The following DNAH7 variants were observed in gnomAD, a reference collection of about 807,000 sequenced individuals.
DNAH7 encodes axonemal beta dynein heavy chain 7.
A neutral mutation model predicts 444.6 loss-of-function variants in DNAH7; 397 were observed. That is an observed-to-expected ratio of 0.89 (90% CI 0.82 to 0.97). The LOEUF (loss-of-function observed/expected upper bound fraction) is 0.97. DNAH7 is among the 50% of genes least tolerant of loss of function. The pLI is 0.00. For missense variants in DNAH7, 4,902 were observed against 4,800.8 expected, an observed-to-expected ratio of 1.02 and a Z score of -0.62; for synonymous variants, 1,636 against 1,624.4, an observed-to-expected ratio of 1.01 and a Z score of -0.17.
chr2:195,775,097 C>G (rs1481893430), intron 60 of DNAH7, among the ~76,000 whole-genome samples: 1 of 152,168 alleles, frequency 6.6e-6, no homozygotes, highest in Non-Finnish European at 1.5e-5. Flanking sequence ...CTCTGTAGTT[C>G]TGGTCTCTTT....
chr2:195,976,522 T>C (rs1322012117), intron 15 of DNAH7, among the ~76,000 whole-genome samples: 3 of 152,116 alleles, frequency 2.0e-5, no homozygotes, highest in Non-Finnish European at 2.9e-5. Flanking sequence ...GAGGAACACA[T>C]GCCTGGATGG....
At chr2:195,794,710 T>C (rs2105990735) in intron 56 of DNAH7, among the ~76,000 whole-genome samples, 172 bp from the exon 57 acceptor site, 1 of 152,314 alleles carries the variant, frequency 6.6e-6, no homozygotes, top group East Asian at 1.9e-4. Flanking sequence ...CCTAAAACAA[T>C]AACACCTTGT....
At chr2:195,968,380 C>G (rs1370829439) in intron 17 of DNAH7, among the ~76,000 whole-genome samples, 1 of 152,166 alleles carries the variant, frequency 6.6e-6, no homozygotes, top group East Asian at 1.9e-4. Context: ...GCAGTGGGTT[C>G]TCTTCCAGCC....
At chr2:195,806,635 G>C (rs1414917463) in intron 54 of DNAH7, 105 bp downstream of exon 54, 6 of 817,302 alleles carry the variant, frequency 7.3e-6, no homozygotes, top group East Asian at 5.8e-5. Context: ...TTTCCCGCAG[G>C]CTCCTCTACC....
At chr2:196,016,621 A>G (rs1351357862) in intron 9 of DNAH7, among the ~76,000 whole-genome samples, 2 of 152,240 alleles carry the variant, frequency 1.3e-5, no homozygotes, top group African/African-American at 4.8e-5. Flanking sequence ...AGGTCAGAAT[A>G]TGTGTTAGAA....
At position 195,855,812 on chromosome 2, in the gene DNAH7, T is replaced by G. The variant is rs1418666894; in HGVS notation, c.8594A>C (p.Gln2865Pro). Reference protein sequence around the residue: ...NKQKKADLENQVDLCSKKLER... With the variant: ...NKQKKADLENPVDLCSKKLER... ...ATCTTTTTCTATATCAGCACACACC[T>G]GGTTTTCCAGGTCAGCCTTCTTTTG... The change falls in exon 45 of 65, where the codon CAG (glutamine) becomes CCG (proline). Residue 2865 changes from glutamine (Q) to proline (P), a missense_variant and splice_region_variant. By Grantham distance (76) the Gln-to-Pro change is moderately conservative. Coordinates refer to ENST00000312428, the MANE Select transcript of DNAH7 (RefSeq NM_018897.3). 2 of 1,612,682 alleles carry G rather than the reference T, an allele frequency of 1.2e-6. No homozygotes were observed. The highest frequency in any genetic ancestry group is 2.2e-5 in the South Asian group (2 of 90,854).
chr2:195,849,767 A>AATTTTTTGT (rs1186993144), intron 46 of DNAH7, among the ~76,000 whole-genome samples: 1 of 151,876 alleles, frequency 6.6e-6, no homozygotes, highest in African/African-American at 2.4e-5. Context: ...ATGCCCGGAT[A>AATTTTTTGT]ATTTTTTGTA....
chr2:195,816,969 A>T lies in DNAH7; in HGVS notation c.9426-6T>A, dbSNP rs747138692. On this transcript the variant is annotated splice_region_variant and splice_polypyrimidine_tract_variant and intron_variant, in intron 50 of 64. Transcript: ENST00000312428. ...CTTCTATTTCTTTTAACTGCCTGGA[A>T]TAAAACAAAATTTTCTTAGAAGAAA... 1.0e-5 allele frequency: 16 copies of T among 1,552,422 alleles called. No homozygotes were observed. The highest frequency in any genetic ancestry group is 1.8e-4 in the Middle Eastern group (1 of 5,664).
chr2:195,870,199 A>G (rs1037682850), intron 40 of DNAH7, among the ~76,000 whole-genome samples: 6 of 152,254 alleles, frequency 3.9e-5, no homozygotes, highest in Admixed American at 1.3e-4. Flanking sequence ...GCGCATAAAT[A>G]TAACTGCTAT....
At chr2:195,776,102 G>T in intron 59 of DNAH7, 119 bp from the exon 60 acceptor site, 1 of 1,245,224 alleles carries the variant, frequency 8.0e-7, no homozygotes, top group Non-Finnish European at 1.1e-6. Context: ...CTGTGACACT[G>T]GACATTGAGT....
intron 46 of DNAH7, among the ~76,000 whole-genome samples, chr2:195,850,301 G>GA (rs1491177374): frequency 6.7e-6 from 1 of 148,260 alleles, no homozygotes; most frequent in Non-Finnish European, 1.5e-5. Flanking sequence ...AAAAAAAGGG[G>GA]AGAGAGAGAG....
At chr2:195,834,490 A>G (rs1698234077) in intron 47 of DNAH7, 130 bp from the exon 48 acceptor site, 1 of 1,007,062 alleles carries the variant, frequency 9.9e-7, no homozygotes, top group Admixed American at 2.8e-5. Flanking sequence ...TTAACTTATG[A>G]GAAACTATGT....
At chr2:195,768,204 T>A (rs1694674758) in intron 61 of DNAH7, among the ~76,000 whole-genome samples, 3 of 147,796 alleles carry the variant, frequency 2.0e-5, no homozygotes. Context: ...ATATATATAT[T>A]ATAAATATAT....
intron 5 of DNAH7, among the ~76,000 whole-genome samples, chr2:196,045,192 G>T (rs1697031951): frequency 6.8e-6 from 1 of 147,946 alleles, no homozygotes; most frequent in Non-Finnish European, 1.5e-5. Context: ...AAGAGGAGAA[G>T]GAGGAGGAAA....
intron 33 of DNAH7, among the ~76,000 whole-genome samples, 199 bp downstream of exon 33, chr2:195,888,059 A>G (rs1319815813): frequency 2.0e-5 from 3 of 152,134 alleles, no homozygotes; most frequent in African/African-American, 7.2e-5. Context: ...TTTTAGAGAG[A>G]AAAGAGTAGC....
intron 15 of DNAH7, among the ~76,000 whole-genome samples, chr2:195,976,484 G>T (rs555332519): frequency 2.0e-5 from 3 of 152,168 alleles, no homozygotes; most frequent in Admixed American, 6.5e-5. Flanking sequence ...GGGACACTCG[G>T]AGCTGGGGGA....
intron 56 of DNAH7, 128 bp from the exon 57 acceptor site, chr2:195,794,666 A>G: frequency 1.2e-6 from 1 of 818,844 alleles, no homozygotes; most frequent in Non-Finnish European, 1.9e-6. Flanking sequence ...AACTGCTGCA[A>G]TTTTCAGCAA....
Position 195,876,662 on chromosome 2 carries a change from T to G in DNAH7, c.5999A>C (p.Lys2000Thr), listed in dbSNP as rs374450469. The change falls in exon 37 of 65, where the codon AAA becomes ACA. Residue 2000 changes from lysine (K) to threonine (T), a missense_variant. Lys to Thr is a moderately conservative substitution (Grantham distance 78). Transcript: ENST00000312428. The part of the protein sequence containing the change: ...LLNQLNKEIY[K>T]PLLINFSAQT... ...TGCTGAGAAGTTAATTAGCAGAGGT[T>G]TGTAGATTTCCTTATTTAGTTGATT... The G allele has an allele frequency of 4.9e-5, 79 of 1,606,710 alleles. No homozygotes were observed. Among genetic ancestry groups the G allele is most frequent in the Non-Finnish European group, 6.1e-5 (72 of 1,174,030 alleles).
In DNAH7 at chr2:195,948,136, G is replaced by C. The variant is rs541686813; in HGVS notation, c.3078+9125C>G. 2.2e-4 allele frequency among the ~76,000 whole-genome samples: 33 copies of C among 152,170 alleles called. No homozygotes were observed. In the South Asian group the frequency reaches 5.2e-3, roughly 24 times the overall value. ...CACATGCCTTGCCCACTTTCTGATG[G>C]GGTTGTTTTTTTTCTTGTAAATTGG... On this transcript the variant is annotated intron_variant, in intron 19 of 64. Coordinates refer to ENST00000312428, the MANE Select transcript of DNAH7 (RefSeq NM_018897.3).
Sources: gnomAD v4.1 joint callset for allele counts (sites outside exome capture counted in the v4.1 genomes callset) on GRCh38, gnomAD v4.1.1 for gene constraint, MANE v1.5 for transcripts, NCBI Gene and HGNC (gene_info 2026-07-23, HGNC 2026-07-21) for gene names.